GAREM1: variants seen among roughly 807,000 people sequenced by gnomAD.
GAREM1 encodes the protein GRB2-associated and regulator of MAPK protein 1.
GAREM1 carries 26 observed loss-of-function variants against 71.3 expected under a neutral mutation model. That is an observed-to-expected ratio of 0.36 (90% confidence interval 0.27 to 0.51). The LOEUF is 0.51. Among genes scored for constraint, GAREM1 ranks in the 20% least tolerant of loss-of-function variants. The pLI, the probability that GAREM1 is intolerant of heterozygous loss-of-function variation, is 0.95. For synonymous variants in GAREM1, 440 were observed against 433.2 expected (o/e 1.02, Z -0.20); for missense variants, 1,026 against 1,103.1 (o/e 0.93, Z 0.99).
intron 2 of GAREM1, among the ~76,000 whole-genome samples, chr18:32,365,096 A>G (rs1424077551): frequency 1.3e-5 from 2 of 152,138 alleles, no homozygotes; most frequent in Non-Finnish European, 2.9e-5. Context: ...TGCTAACACT[A>G]TGGTGACAAG....
chr18:32,353,615 A>AC (rs1368441313), intron 2 of GAREM1, among the ~76,000 whole-genome samples: 2 of 152,240 alleles, frequency 1.3e-5, no homozygotes, highest in African/African-American at 4.8e-5. Flanking sequence ...AAAATAACTT[A>AC]AAGTTTACCA....
chr18:32,268,238 G>A lies in GAREM1; in HGVS notation c.2264C>T (p.Pro755Leu), dbSNP rs767680713. The A allele has an allele frequency of 3.7e-6, 6 of 1,613,900 alleles. No homozygotes were observed. The highest frequency in any genetic ancestry group is 5.1e-6 in the Non-Finnish European group (6 of 1,180,006). ...CGAGAGATCTGGTGACCCAGACTTGGGGTCTTCCTCAGCACCATCAATTTT... is the reference window on the plus strand; with the variant it reads ...CGAGAGATCTGGTGACCCAGACTTGAGGTCTTCCTCAGCACCATCAATTTT... ...PLKIDGAEED[P>L]KSGSPDLSED... The change falls in exon 6 of 6, where the codon CCC becomes CTC. Residue 755 changes from proline (P) to leucine (L), a missense_variant. By Grantham distance (98) the Pro-to-Leu change is moderately conservative. This residue lies in a region of GAREM1 where 636 missense variants were observed against 631.2 expected (regional missense o/e 1.01). Coordinates refer to ENST00000269209, the MANE Select transcript of GAREM1 (RefSeq NM_001242409.2).
Position 32,268,242 on chromosome 18 carries a change from C to T in GAREM1, c.2260G>A (p.Asp754Asn). 1 of 1,614,074 alleles carries T rather than the reference C, an allele frequency of 6.2e-7. No individual in the cohort carries two copies. The highest frequency in any genetic ancestry group is 1.1e-5 in the South Asian group (1 of 91,054). ...AGATCTGGTGACCCAGACTTGGGGT[C>T]TTCCTCAGCACCATCAATTTTCAGA... ...LPLKIDGAEE[D>N]PKSGSPDLSE... The change falls in exon 6 of 6, where the codon GAC becomes AAC. Residue 754 changes from aspartate (D) to asparagine (N), a missense_variant. This residue lies in a region of GAREM1 where 636 missense variants were observed against 631.2 expected (regional missense o/e 1.01). Coordinates refer to ENST00000269209, the MANE Select transcript of GAREM1 (RefSeq NM_001242409.2).
At chr18:32,366,973 T>A (rs1213985302) in intron 2 of GAREM1, among the ~76,000 whole-genome samples, 1 of 152,216 alleles carries the variant, frequency 6.6e-6, no homozygotes, top group Non-Finnish European at 1.5e-5. Flanking sequence ...GTACTCTGAA[T>A]AATCTCTCCT....
intron 1 of GAREM1, among the ~76,000 whole-genome samples, chr18:32,425,062 C>G (rs1188037198): frequency 6.6e-6 from 1 of 152,178 alleles, no homozygotes; most frequent in Non-Finnish European, 1.5e-5. Context: ...CAAATGATCA[C>G]TTGGCTCCTC....
At chr18:32,433,695 T>C (rs900924767) in intron 1 of GAREM1, among the ~76,000 whole-genome samples, 19 of 152,106 alleles carry the variant, frequency 1.2e-4, no homozygotes, top group African/African-American at 3.9e-4. Context: ...TTTTAAAATA[T>C]AATACCATTT....
At chr18:32,451,669 T>C (rs930797116) in intron 1 of GAREM1, among the ~76,000 whole-genome samples, 43 of 152,198 alleles carry the variant, frequency 2.8e-4, no homozygotes, top group African/African-American at 9.9e-4. Context: ...AGCTTCCAAA[T>C]ATTGCCTAAT....
rs180693811 is a variant in GAREM1 at position 32,466,198 on chromosome 18, T to C, written c.121+4110A>G. On this transcript the variant is annotated intron_variant, in intron 1 of 5. Transcript: ENST00000269209. ...CTTTTTTTTTTGGTTACAGAGAGTA[T>C]GGCAGAGTGATCAATAGAATACTTT... 7.4e-4 allele frequency among the ~76,000 whole-genome samples: 113 copies of C among 152,126 alleles called. 1 individual carries two copies. The highest frequency in any genetic ancestry group is 2.1e-3 in the African/African-American group (89 of 41,500).
intron 1 of GAREM1, among the ~76,000 whole-genome samples, chr18:32,401,894 T>C (rs1230562730): frequency 6.6e-6 from 1 of 152,222 alleles, no homozygotes; most frequent in Admixed American, 6.5e-5. Flanking sequence ...TGCTAGCTGG[T>C]GTAGTAAACA....
chr18:32,315,618 G>C (rs1241542045), intron 2 of GAREM1, among the ~76,000 whole-genome samples: 10 of 151,424 alleles, frequency 6.6e-5, no homozygotes, highest in Non-Finnish European at 1.3e-4. Flanking sequence ...GTTCAGACTA[G>C]CCACATTTCA....
chr18:32,413,292 A>G (rs1456665198), intron 1 of GAREM1: 16 of 1,283,346 alleles, frequency 1.2e-5, no homozygotes, highest in Non-Finnish European at 1.8e-5. Context: ...ACTCACATTA[A>G]GTAGATTTCC....
rs1455725834 is a variant in GAREM1, at chr18:32,412,523, A to G, written c.122-19488T>C. The G allele has an allele frequency of 3.8e-6, 6 of 1,596,806 alleles. No individual in the cohort carries two copies. In the Admixed American group the frequency reaches 8.3e-5, roughly 22 times the overall value. ...CACCACGACCACTGAAGTTTCCTCC[A>G]TGACCGAAGTTGTCATTCCCACCGA... is the stretch of plus-strand genomic sequence containing the variant. On this transcript the variant is annotated intron_variant, in intron 1 of 5. Coordinates refer to ENST00000269209, the MANE Select transcript of GAREM1 (RefSeq NM_001242409.2).
chr18:32,337,489 CG>C (rs1310485850), intron 2 of GAREM1, among the ~76,000 whole-genome samples: 1 of 152,310 alleles, frequency 6.6e-6, no homozygotes, highest in East Asian at 1.9e-4. Context: ...CGCTATTACC[CG>C]GCTTATCCAC....
chr18:32,385,429 C>G (rs2048136727), intron 2 of GAREM1, among the ~76,000 whole-genome samples: 3 of 152,058 alleles, frequency 2.0e-5, no homozygotes, highest in Non-Finnish European at 4.4e-5. Flanking sequence ...CCTCCTGCCT[C>G]TGATCTGATC....
At chr18:32,445,692 AGTTT>A (rs2048779788) in intron 1 of GAREM1, among the ~76,000 whole-genome samples, 1 of 152,192 alleles carries the variant, frequency 6.6e-6, no homozygotes, top group African/African-American at 2.4e-5. Flanking sequence ...AATATGATTT[AGTTT>A]GTTTCGCAGG....
At chr18:32,300,924 A>AAAG (rs1437216947) in intron 3 of GAREM1, among the ~76,000 whole-genome samples, 8 of 149,128 alleles carry the variant, frequency 5.4e-5, no homozygotes, top group Non-Finnish European at 1.0e-4. Context: ...AAAAAAAAAA[A>AAAG]AAGAAGAAGG....
At position 32,309,981 on chromosome 18, in the gene GAREM1, T is replaced by G. The variant is rs189467174; in HGVS notation, c.393+212A>C. 8.0e-4 allele frequency among the ~76,000 whole-genome samples: 122 copies of G among 152,312 alleles called. No individual in the cohort carries two copies. In the East Asian group the frequency reaches 0.015, roughly 19 times the overall value. On this transcript the variant is annotated intron_variant, in intron 3 of 5. Transcript: ENST00000269209. ...TACAGTTTTGAACTCAGATATCAGT[T>G]TTAAATTCTAACAAAAGATAATGCT...
chr18:32,322,340 ACTTT>A (rs1567963999), intron 2 of GAREM1, among the ~76,000 whole-genome samples: 1 of 152,160 alleles, frequency 6.6e-6, no homozygotes, highest in African/African-American at 2.4e-5. Flanking sequence ...TCTGGCTCTC[ACTTT>A]CTTCTCATCA....
intron 2 of GAREM1, among the ~76,000 whole-genome samples, chr18:32,357,459 C>T (rs908148874): frequency 3.3e-5 from 5 of 152,186 alleles, no homozygotes; most frequent in Non-Finnish European, 5.9e-5. Context: ...CTCTCTGGAC[C>T]GTGAGCTCTC....
Sources: allele counts gnomAD v4.1 joint callset (sites outside exome capture counted in the v4.1 genomes callset), GRCh38; gene constraint gnomAD v4.1.1; regional missense constraint gnomAD v4.1.1; transcripts MANE v1.5; gene names NCBI Gene and HGNC (gene_info 2026-07-23, HGNC 2026-07-21).